CHRNA7: variants seen among roughly 807,000 people sequenced by gnomAD.
The protein encoded by CHRNA7 is cholinergic receptor nicotinic alpha 7 subunit.
CHRNA7 carries 17 observed loss-of-function variants against 48.0 expected under a neutral mutation model. That is an observed-to-expected ratio of 0.35 (90% confidence interval 0.24 to 0.53). CHRNA7 has a LOEUF of 0.53. CHRNA7 is among the 20% of genes least tolerant of loss of function. The pLI is 0.92. For missense variants in CHRNA7, 155 were observed against 577.7 expected (o/e 0.27, Z 7.50); for synonymous variants, 75 against 242.3 (o/e 0.31, Z 6.41).
At chr15:32,078,473 A>G (rs1043536170) in intron 2 of CHRNA7, among the ~76,000 whole-genome samples, 8 of 152,082 alleles carry the variant, frequency 5.3e-5, no homozygotes, top group Admixed American at 1.3e-4. Context: ...TTTAAAGACT[A>G]TTGGGACCTG....
At chr15:32,068,435 A>G (rs564495261) in intron 2 of CHRNA7, among the ~76,000 whole-genome samples, 1 of 152,344 alleles carries the variant, frequency 6.6e-6, no homozygotes, top group South Asian at 2.1e-4. Context: ...TGTATATGCA[A>G]GAGACACATT....
At chr15:32,090,529 T>C (rs1160928016) in intron 2 of CHRNA7, among the ~76,000 whole-genome samples, 1 of 152,194 alleles carries the variant, frequency 6.6e-6, no homozygotes. Context: ...TCCAGTGGCT[T>C]CTGCTTTGAG....
chr15:32,108,339 GCA>G (rs1451130482), intron 3 of CHRNA7, among the ~76,000 whole-genome samples: 2 of 152,202 alleles, frequency 1.3e-5, no homozygotes, highest in African/African-American at 4.8e-5. Flanking sequence ...AGAAGGAAGA[GCA>G]CACACTCCTC....
At chr15:32,138,573 T>C (rs935458032) in intron 4 of CHRNA7, among the ~76,000 whole-genome samples, 3 of 151,820 alleles carry the variant, frequency 2.0e-5, no homozygotes, top group Admixed American at 6.6e-5. Context: ...GGTTCTCTCT[T>C]GGTGGCGTAT....
intron 2 of CHRNA7, among the ~76,000 whole-genome samples, chr15:32,093,386 C>T (rs1042529871): frequency 6.6e-6 from 1 of 152,130 alleles, no homozygotes; most frequent in African/African-American, 2.4e-5. Context: ...AAAGTGCATG[C>T]TTGAACTCTT....
At chr15:32,117,606 C>G (rs1014914499) in intron 4 of CHRNA7, among the ~76,000 whole-genome samples, 7 of 152,072 alleles carry the variant, frequency 4.6e-5, no homozygotes, top group Non-Finnish European at 8.8e-5. Context: ...AGGGTGTTCT[C>G]AGCCAGAGCA....
intron 4 of CHRNA7, among the ~76,000 whole-genome samples, chr15:32,128,076 C>T (rs906194512): frequency 1.3e-5 from 2 of 151,924 alleles, no homozygotes; most frequent in Non-Finnish European, 2.9e-5. Context: ...AGACTATATT[C>T]CTCTTCTGAA....
chr15:32,114,151 G>C (rs966410507), intron 4 of CHRNA7, among the ~76,000 whole-genome samples: 10 of 149,988 alleles, frequency 6.7e-5, no homozygotes, highest in South Asian at 2.1e-4. Flanking sequence ...CACAGAGAGA[G>C]AGAGAGAGAG....
chr15:32,126,334 G>A (rs187000577), intron 4 of CHRNA7, among the ~76,000 whole-genome samples: 2 of 152,154 alleles, frequency 1.3e-5, no homozygotes, highest in Admixed American at 6.5e-5. Context: ...ACCTGTGGTA[G>A]GTAGCATCTG....
At chr15:32,159,091 A>G (rs150082633) in intron 7 of CHRNA7, 39 of 194,396 alleles carry the variant, frequency 2.0e-4, no homozygotes, top group African/African-American at 9.4e-4. Flanking sequence ...TAAACATCAG[A>G]TGTAGCATAT....
At chr15:32,128,958 A>C (rs1308430317) in intron 4 of CHRNA7, among the ~76,000 whole-genome samples, 1 of 151,860 alleles carries the variant, frequency 6.6e-6, no homozygotes, top group Non-Finnish European at 1.5e-5. Flanking sequence ...GAGACTTTTT[A>C]ATATGGATGA....
chr15:32,055,205 G>T (rs528717135), intron 2 of CHRNA7, among the ~76,000 whole-genome samples: 1 of 151,324 alleles, frequency 6.6e-6, no homozygotes, highest in African/African-American at 2.4e-5. Flanking sequence ...GTGTCTAATC[G>T]TGTCTCTTTA....
At chr15:32,166,591 TA>T (rs1275955949) in intron 9 of CHRNA7, 1 of 152,068 alleles carries the variant, frequency 6.6e-6, no homozygotes, top group Admixed American at 6.5e-5. Flanking sequence ...TTACTATCTG[TA>T]TATTTATTTC....
chr15:32,144,788 A>T (rs574428893), intron 4 of CHRNA7, among the ~76,000 whole-genome samples: 3 of 152,152 alleles, frequency 2.0e-5, no homozygotes, highest in Admixed American at 6.6e-5. Flanking sequence ...GGTCTTCTCT[A>T]TACTATTCAT....
intron 2 of CHRNA7, among the ~76,000 whole-genome samples, chr15:32,044,588 T>C (rs1013380438): frequency 3.3e-5 from 5 of 152,234 alleles, no homozygotes; most frequent in African/African-American, 4.8e-5. Flanking sequence ...GATATTTCTT[T>C]AGATATGGCT....
chr15:32,043,125 G>A (rs1280198133), intron 2 of CHRNA7, among the ~76,000 whole-genome samples: 1 of 152,176 alleles, frequency 6.6e-6, no homozygotes, highest in Non-Finnish European at 1.5e-5. Context: ...TGATTTTAAA[G>A]TGGTACACTT....
chr15:32,114,036 A>G (rs1272020308), intron 4 of CHRNA7, among the ~76,000 whole-genome samples: 2 of 80,264 alleles, frequency 2.5e-5, no homozygotes, highest in Admixed American at 1.9e-4. Context: ...ATATATATAT[A>G]TATATATGTA....
At position 32,030,911 on chromosome 15, in the gene CHRNA7, C is replaced by T. The variant is rs1245195944; in HGVS notation, c.69C>T (p.Gly23=). The part of the protein sequence containing the change: ...AASLLHVSLQ[G]EFQRKLYKEL... ...TCTCTCCTTAAGTGTCCCTGCAAGG[C>T]GAGTTCCAGAGGAAGCTTTACAAGG... The change falls in exon 2 of 10, where the codon GGC becomes GGT. Residue 23 remains glycine (G), a synonymous_variant. Transcript: ENST00000306901. 6.2e-7 allele frequency: 1 copy of T among 1,613,940 alleles called. No individual in the cohort carries two copies. Among genetic ancestry groups the T allele is most frequent in the East Asian group, 2.2e-5 (1 of 44,866 alleles).
chr15:32,065,827 A>G (rs1331050417), intron 2 of CHRNA7, among the ~76,000 whole-genome samples: 4 of 148,768 alleles, frequency 2.7e-5, no homozygotes, highest in African/African-American at 5.0e-5. Flanking sequence ...CAGCACACAG[A>G]CATAGCCCAC....
Sources: gnomAD v4.1 joint callset for allele counts (sites outside exome capture counted in the v4.1 genomes callset) on GRCh38, gnomAD v4.1.1 for gene constraint, MANE v1.5 for transcripts, NCBI Gene and HGNC (gene_info 2026-07-23, HGNC 2026-07-21) for gene names.